PLCL1: variants seen among roughly 807,000 people sequenced by gnomAD.
PLCL1 encodes inactive phospholipase C-like protein 1.
A neutral mutation model predicts 84.4 loss-of-function variants in PLCL1; 41 were observed. That is an observed-to-expected ratio of 0.49 (90% confidence interval 0.38 to 0.63). PLCL1 has a LOEUF of 0.63. PLCL1 is among the 30% of genes least tolerant of loss of function. The pLI is 0.00. For synonymous variants in PLCL1, 490 were observed against 488.3 expected, an observed-to-expected ratio of 1.00 and a Z score of -0.05; for missense variants, 1,206 against 1,367.8, an observed-to-expected ratio of 0.88 and a Z score of 1.87.
chr2:198,034,180 T>TC (rs1378847707), intron 1 of PLCL1, among the ~76,000 whole-genome samples: 1 of 151,640 alleles, frequency 6.6e-6, no homozygotes, highest in East Asian at 1.9e-4. Context: ...GTGTGTGATG[T>TC]CCCCCTTCCT....
rs182982407 is a variant in PLCL1 at position 198,015,818 on chromosome 2, A to T, written c.241-67940A>T. On this transcript the variant is annotated intron_variant, in intron 1 of 5. Transcript: ENST00000428675. ...TAAATGAAGTTGTTGCAGTATGTTT[A>T]AAACACTGGAGCCAAAATTTTGAGT... Among the ~76,000 whole-genome samples, 6 of 152,316 alleles carry T rather than the reference A, an allele frequency of 3.9e-5. No individual in the cohort carries two copies. The East Asian group carries it at 1.2e-3, about 29-fold the overall frequency.
At chr2:197,993,452 T>C (rs1002643879) in intron 1 of PLCL1, among the ~76,000 whole-genome samples, 6 of 152,110 alleles carry the variant, frequency 3.9e-5, no homozygotes, top group Non-Finnish European at 7.4e-5. Flanking sequence ...CAGGGAAGCA[T>C]ACAGATGGCA....
At chr2:198,128,508 G>A (rs571258893) in intron 5 of PLCL1, among the ~76,000 whole-genome samples, 6 of 152,206 alleles carry the variant, frequency 3.9e-5, no homozygotes, top group Middle Eastern at 3.4e-3. Context: ...ATCATGGGGC[G>A]TTACTGTCTT....
At chr2:197,806,061 C>T (rs796299530) in intron 1 of PLCL1, among the ~76,000 whole-genome samples, 6 of 152,212 alleles carry the variant, frequency 3.9e-5, no homozygotes, top group African/African-American at 1.4e-4. Context: ...CTCTTTCCAT[C>T]TTCCTTCCAC....
At chr2:198,063,029 T>C (rs764832058) in intron 1 of PLCL1, among the ~76,000 whole-genome samples, 15 of 152,180 alleles carry the variant, frequency 9.9e-5, no homozygotes, top group Non-Finnish European at 1.9e-4. Context: ...AAGATCACAC[T>C]GTGGGGACCA....
Position 197,804,995 on chromosome 2 carries a change from T to C in PLCL1, c.-105T>C. 2 of 1,317,646 alleles carry C rather than the reference T, an allele frequency of 1.5e-6. No individual in the cohort carries two copies. The highest frequency in any genetic ancestry group is 1.5e-5 in the South Asian group (1 of 64,646). The allele number at this position is 1,317,646 out of a possible 1,614,324, so 81.6% of individuals were successfully genotyped here. A position where few individuals can be genotyped will look rare whatever the true frequency, so the allele number is the denominator to read the frequency against. ...GCCGCCGCTGGGCGGTGAAACAAAG[T>C]CTGGCGGGGCCGCCTCCCGGTGCAG... On this transcript the variant is annotated 5_prime_UTR_variant, in exon 1 of 6. Transcript: ENST00000428675.
chr2:198,101,856 C>T (rs911169506), intron 4 of PLCL1, among the ~76,000 whole-genome samples: 1 of 152,024 alleles, frequency 6.6e-6, no homozygotes, highest in Non-Finnish European at 1.5e-5. Flanking sequence ...TTTCTGTTCA[C>T]CTTCATCCAC....
intron 5 of PLCL1, among the ~76,000 whole-genome samples, chr2:198,138,445 G>T (rs538932421): frequency 1.3e-5 from 2 of 152,068 alleles, no homozygotes; most frequent in African/African-American, 2.4e-5. Context: ...CAACACCAGG[G>T]TTTACAATTC....
At chr2:197,809,908 C>T (rs1299516902) in intron 1 of PLCL1, among the ~76,000 whole-genome samples, 1 of 151,714 alleles carries the variant, frequency 6.6e-6, no homozygotes, top group Non-Finnish European at 1.5e-5. Context: ...TTTAGGCACT[C>T]TATGGATTAT....
intron 1 of PLCL1, among the ~76,000 whole-genome samples, chr2:197,906,131 G>A (rs1365048785): frequency 6.6e-6 from 1 of 152,100 alleles, no homozygotes; most frequent in African/African-American, 2.4e-5. Flanking sequence ...TAGTCATGAC[G>A]TCTTTCCCCA....
rs577735812 is a variant in PLCL1, at chr2:197,988,276, G to T, written c.241-95482G>T. Among the ~76,000 whole-genome samples the T allele has an allele frequency of 2.6e-4, 40 of 152,246 alleles. No individual in the cohort carries two copies. In the South Asian group the frequency reaches 5.0e-3, roughly 19 times the overall value. On this transcript the variant is annotated intron_variant, in intron 1 of 5. Coordinates refer to ENST00000428675, the MANE Select transcript of PLCL1 (RefSeq NM_006226.4). Reference sequence around the variant, plus strand: ...GGCTTTTGAGGTACAGTGGTTTTTGGTTACATGGATGAATTGTATAGTGGT... The same window carrying T: ...GGCTTTTGAGGTACAGTGGTTTTTGTTTACATGGATGAATTGTATAGTGGT...
intron 1 of PLCL1, among the ~76,000 whole-genome samples, chr2:198,020,751 G>A (rs1374940106): frequency 6.6e-6 from 1 of 152,118 alleles, no homozygotes; most frequent in Admixed American, 6.6e-5. Context: ...CATAAAGCAA[G>A]TTCTTAGAGG....
intron 1 of PLCL1, among the ~76,000 whole-genome samples, chr2:197,960,759 A>AT (rs1407977353): frequency 2.6e-5 from 4 of 152,090 alleles, no homozygotes; most frequent in Non-Finnish European, 4.4e-5. Context: ...GACAAAACAG[A>AT]TACAAATTGT....
At chr2:198,013,314 G>T (rs1690914059) in intron 1 of PLCL1, among the ~76,000 whole-genome samples, 1 of 152,018 alleles carries the variant, frequency 6.6e-6, no homozygotes, top group African/African-American at 2.4e-5. Context: ...TTTTATATAT[G>T]GTGATATTGA....
intron 1 of PLCL1, among the ~76,000 whole-genome samples, chr2:197,849,120 C>T (rs1574911477): frequency 6.6e-6 from 1 of 152,158 alleles, no homozygotes; most frequent in Admixed American, 6.6e-5. Flanking sequence ...ACATGACATA[C>T]CATCTTCCCT....
chr2:197,984,258 G>A (rs545573256), intron 1 of PLCL1, among the ~76,000 whole-genome samples: 144 of 152,208 alleles, frequency 9.5e-4, no homozygotes, highest in African/African-American at 3.3e-3. Flanking sequence ...AGACAAATAA[G>A]CTCTTTTGAG....
At chr2:198,036,338 C>G (rs1462675063) in intron 1 of PLCL1, among the ~76,000 whole-genome samples, 2 of 152,156 alleles carry the variant, frequency 1.3e-5, no homozygotes, top group East Asian at 3.8e-4. Flanking sequence ...TGTTTAGATT[C>G]TTCACACATT....
chr2:197,828,463 C>T (rs1690980508), intron 1 of PLCL1, among the ~76,000 whole-genome samples: 1 of 152,018 alleles, frequency 6.6e-6, no homozygotes, highest in Non-Finnish European at 1.5e-5. Flanking sequence ...TATTAGATTA[C>T]AGAATTGTTA....
intron 1 of PLCL1, among the ~76,000 whole-genome samples, chr2:197,900,456 A>T (rs2105735926): frequency 6.6e-6 from 1 of 152,342 alleles, no homozygotes; most frequent in African/African-American, 2.4e-5. Flanking sequence ...AGAAAACAGA[A>T]TTTAATGTTG....
Sources: gnomAD v4.1 joint callset for allele counts (sites outside exome capture counted in the v4.1 genomes callset) on GRCh38, gnomAD v4.1.1 for gene constraint, MANE v1.5 for transcripts, NCBI Gene and HGNC (gene_info 2026-07-23, HGNC 2026-07-21) for gene names.